PSMA1: variants seen among roughly 807,000 people sequenced by gnomAD.
The protein encoded by PSMA1 is proteasome 20S subunit alpha 1.
PSMA1 carries 3 observed loss-of-function variants against 38.4 expected under a neutral mutation model. The observed-to-expected ratio is 0.08, with a 90% CI of 0.04 to 0.20. The LOEUF (loss-of-function observed/expected upper bound fraction) is 0.20. Ranked by LOEUF, PSMA1 falls within the 10% of genes least tolerant of loss-of-function variation. PSMA1 has a pLI of 1.00. For missense variants in PSMA1, 227 were observed against 325.3 expected (o/e 0.70, Z 2.32); for synonymous variants, 101 against 107.1 (o/e 0.94, Z 0.35).
chr11:14,602,805 T>C (rs1852599529), intron 2 of PSMA1, among the ~76,000 whole-genome samples: 2 of 152,018 alleles, frequency 1.3e-5, no homozygotes, highest in South Asian at 2.1e-4. Flanking sequence ...AGATGGTGAG[T>C]GTTTCTCATG....
At position 14,514,448 on chromosome 11, in the gene PSMA1, C is replaced by T. The variant is rs751551757; in HGVS notation, c.298G>A (p.Asp100Asn). Residue 100 changes from aspartate (D) to asparagine (N), a missense_variant, in exon 5 of 10, where the codon GAT (aspartate) becomes AAT (asparagine). Asp to Asn is a conservative substitution (Grantham distance 23). Coordinates refer to ENST00000396394, the MANE Select transcript of PSMA1 (RefSeq NM_002786.4). ...AGACGAGACACAGGCAGTGGTCTAT[C>T]GAATACAAATCTGGAATCCAAACAC... ...QECLDSRFVF[D>N]RPLPVSRLVS... The T allele has an allele frequency of 5.0e-5, 80 of 1,605,270 alleles. No homozygotes were observed. The highest frequency in any genetic ancestry group is 6.8e-5 in the Admixed American group (4 of 58,420).
At chr11:14,507,595 A>T in intron 9 of PSMA1, 61 bp downstream of exon 9, 1 of 1,139,960 alleles carries the variant, frequency 8.8e-7, no homozygotes, top group East Asian at 2.4e-5. Flanking sequence ...TTACAGACAC[A>T]GTTGTGGTAA....
Position 14,534,892 on chromosome 11 carries a change from A to G in PSMA1, c.22-15851T>C, listed in dbSNP as rs1851685927. Reference sequence around the variant, plus strand: ...GGAATTCAAGACCAGCCTGGCCAACATGGCAAAACCCCGTCTCTACTAAAA... The same window carrying G: ...GGAATTCAAGACCAGCCTGGCCAACGTGGCAAAACCCCGTCTCTACTAAAA... On this transcript the variant is annotated intron_variant, in intron 2 of 10. Coordinates refer to the PSMA1 transcript ENST00000418988. This position sits in a 1 kb window ranked among gnomAD's most constrained non-coding sequence, Gnocchi z 4.5. Among the ~76,000 whole-genome samples, 1 of 152,212 alleles carries G rather than the reference A, an allele frequency of 6.6e-6. No homozygotes were observed. Among genetic ancestry groups the G allele is most frequent in the East Asian group, 1.9e-4 (1 of 5,200 alleles).
At chr11:14,507,481 T>C (rs1054145368) in intron 9 of PSMA1, 175 bp downstream of exon 9, 5 of 565,646 alleles carry the variant, frequency 8.8e-6, no homozygotes, top group South Asian at 2.1e-5. Context: ...TTTGTGTTTA[T>C]GGAGATCACT....
chr11:14,639,158 T>C (rs1853166809), intron 1 of PSMA1, among the ~76,000 whole-genome samples: 1 of 152,150 alleles, frequency 6.6e-6, no homozygotes, highest in South Asian at 2.1e-4. Flanking sequence ...TACTGTCACT[T>C]GAGTTAAAAT....
chr11:14,513,725 A>G (rs778887762), intron 6 of PSMA1, 26 bp from the exon 7 acceptor site: 3 of 1,557,868 alleles, frequency 1.9e-6, no homozygotes, highest in East Asian at 2.3e-5. Flanking sequence ...AATACACCAC[A>G]TAATTATTTA....
At chr11:14,526,403 C>T (rs1357365211) in intron 2 of PSMA1, among the ~76,000 whole-genome samples, 1 of 152,166 alleles carries the variant, frequency 6.6e-6, no homozygotes, top group African/African-American at 2.4e-5. Flanking sequence ...TACACAAGGA[C>T]CGGGACCGCA....
rs181032887 is a variant in PSMA1, at chr11:14,531,523, C to T, written c.22-12482G>A. 1.9e-4 allele frequency among the ~76,000 whole-genome samples: 29 copies of T among 152,252 alleles called. No individual in the cohort carries two copies. The East Asian group carries it at 3.5e-3, about 18-fold the overall frequency. On this transcript the variant is annotated intron_variant, in intron 2 of 10. Coordinates refer to the PSMA1 transcript ENST00000418988. Reference sequence around the variant, plus strand: ...TGTCTCCCAGGCTAGAGTGCAATGGCGCGAACTTAGCTCACCGTAGCCTCG... The same window carrying T: ...TGTCTCCCAGGCTAGAGTGCAATGGTGCGAACTTAGCTCACCGTAGCCTCG...
chr11:14,621,407 G>A (rs983135005), intron 1 of PSMA1, among the ~76,000 whole-genome samples: 2 of 151,670 alleles, frequency 1.3e-5, no homozygotes, highest in African/African-American at 4.8e-5. Context: ...ACAGGCATGC[G>A]CCACCACCCC....
At position 14,510,927 on chromosome 11, in the gene PSMA1, T is replaced by C. The variant is rs1311121221; in HGVS notation, c.569A>G (p.His190Arg). The C allele has an allele frequency of 1.2e-6, 2 of 1,604,622 alleles. No individual in the cohort carries two copies. The highest frequency in any genetic ancestry group is 1.7e-6 in the Non-Finnish European group (2 of 1,174,876). ...MECNLNELVK[H>R]GLRALRETLP... ...CGTCTCTCTTAAGGCACGCAGACCATGTTTAACTAGTTCATTTAAATTACC... is the reference window on the plus strand; with the variant it reads ...CGTCTCTCTTAAGGCACGCAGACCACGTTTAACTAGTTCATTTAAATTACC... Residue 190 changes from histidine (H) to arginine (R), a missense_variant, in exon 8 of 10, where the codon CAT (histidine) becomes CGT (arginine). By Grantham distance (29) the His-to-Arg change is conservative. Coordinates refer to ENST00000396394, the MANE Select transcript of PSMA1 (RefSeq NM_002786.4).
chr11:14,633,294 G>T (rs1040345787), intron 1 of PSMA1, among the ~76,000 whole-genome samples: 3 of 152,144 alleles, frequency 2.0e-5, no homozygotes, highest in African/African-American at 7.2e-5. Flanking sequence ...CTTTGATGAT[G>T]GTGATGTACA....
At chr11:14,596,183 C>T (rs1852490647) in intron 2 of PSMA1, among the ~76,000 whole-genome samples, 1 of 152,288 alleles carries the variant, frequency 6.6e-6, no homozygotes, top group South Asian at 2.1e-4. Context: ...AGTGTGATGC[C>T]TCCAGCTTTG....
intron 2 of PSMA1, among the ~76,000 whole-genome samples, chr11:14,598,854 T>C (rs1488903546): frequency 1.3e-5 from 2 of 152,064 alleles, no homozygotes; most frequent in African/African-American, 4.8e-5. Context: ...CTTCACAATT[T>C]GGCATGTTTT....
At chr11:14,639,262 G>GA (rs34755167) in intron 1 of PSMA1, among the ~76,000 whole-genome samples, 2 of 151,606 alleles carry the variant, frequency 1.3e-5, no homozygotes, top group Admixed American at 6.6e-5. Flanking sequence ...GTAAATCTAG[G>GA]AAAAAGGGTT....
At chr11:14,558,900 A>G (rs1851973530) in intron 2 of PSMA1, among the ~76,000 whole-genome samples, 1 of 152,218 alleles carries the variant, frequency 6.6e-6, no homozygotes, top group South Asian at 2.1e-4. Context: ...GTTCCTACAC[A>G]AAGAGAATGC....
At chr11:14,563,382 C>T (rs543881573) in intron 2 of PSMA1, among the ~76,000 whole-genome samples, 200 of 152,252 alleles carry the variant, frequency 1.3e-3, no homozygotes, top group South Asian at 6.0e-3. Flanking sequence ...TTTTCCTCTA[C>T]GAATAAGCAG....
At chr11:14,516,196 C>T (rs1259267640) in intron 4 of PSMA1, among the ~76,000 whole-genome samples, 2 of 132,174 alleles carry the variant, frequency 1.5e-5, no homozygotes, top group African/African-American at 2.9e-5. Flanking sequence ...GGCGACAGCG[C>T]GAGACTCCGT....
intron 2 of PSMA1, among the ~76,000 whole-genome samples, chr11:14,561,809 TTAAAC>T (rs71044010): frequency 0.31 from 46,034 of 147,646 alleles, 7,327 homozygotes; most frequent in Non-Finnish European, 0.35. Flanking sequence ...CTAAACTAAA[TTAAAC>T]TAAACTAAAC....
chr11:14,567,207 C>A (rs1383836882), intron 2 of PSMA1, among the ~76,000 whole-genome samples: 11 of 152,172 alleles, frequency 7.2e-5, no homozygotes, highest in African/African-American at 2.7e-4. Context: ...CGCAGGGTGG[C>A]CTAGCTATGC....
Sources: gnomAD v4.1 joint callset for allele counts (sites outside exome capture counted in the v4.1 genomes callset) on GRCh38, gnomAD v4.1.1 for gene constraint, Gnocchi (gnomAD v3.1) non-coding constraint, MANE v1.5 for transcripts, NCBI Gene and HGNC (gene_info 2026-07-23, HGNC 2026-07-21) for gene names.